The following ADCK5 variants were observed in gnomAD, a reference collection of about 807,000 sequenced individuals.
ADCK5 encodes aarF domain containing kinase 5, also known as uncharacterized aarF domain-containing protein kinase 5.
A neutral mutation model predicts 64.9 loss-of-function variants in ADCK5; 43 were observed. The ratio of observed to expected loss-of-function variants is 0.66; its 90% CI spans 0.52 to 0.85. The LOEUF (loss-of-function observed/expected upper bound fraction) is 0.85. Ranked by LOEUF, ADCK5 falls within the 40% of genes least tolerant of loss-of-function variation. The pLI is 0.00. For synonymous variants in ADCK5, 434 were observed against 342.8 expected (o/e 1.27, Z -2.94); for missense variants, 760 against 810.5 (o/e 0.94, Z 0.76).
In ADCK5 at chr8:144,392,426, T is replaced by G; in HGVS notation, c.1268-19T>G. 4.4e-6 allele frequency: 2 copies of G among 454,696 alleles called. No homozygotes were observed. The highest frequency in any genetic ancestry group is 3.3e-5 in the South Asian group (1 of 29,986). The allele number at this position is 454,696 out of a possible 1,614,324, so 28.2% of individuals were successfully genotyped here. A position where few individuals can be genotyped will look rare whatever the true frequency, so the allele number is the denominator to read the frequency against. On this transcript the variant is annotated intron_variant, in intron 12 of 14. Coordinates refer to ENST00000308860, the MANE Select transcript of ADCK5 (RefSeq NM_174922.5). ...ACCCACTCAGAGCCCCCTCCCTCCC[T>G]CCCTCCCTCCCTCCCCAGACTACCT...
intron 1 of ADCK5, among the ~76,000 whole-genome samples, chr8:144,374,752 G>A (rs1390124393): frequency 6.6e-6 from 1 of 152,040 alleles, no homozygotes; most frequent in Non-Finnish European, 1.5e-5. Context: ...TGCAGGCCGG[G>A]CTCTGCTCTG....
chr8:144,382,304 G>A (rs1336017190), intron 2 of ADCK5, among the ~76,000 whole-genome samples: 1 of 152,262 alleles, frequency 6.6e-6, no homozygotes, highest in Non-Finnish European at 1.5e-5. Flanking sequence ...AGAAACAGAT[G>A]TGTTCTCAGG....
chr8:144,382,360 A>G (rs1384717419), intron 2 of ADCK5, among the ~76,000 whole-genome samples: 1 of 152,220 alleles, frequency 6.6e-6, no homozygotes, highest in Non-Finnish European at 1.5e-5. Context: ...GTTTCAGCAT[A>G]TATGGAGCTG....
chr8:144,381,719 G>A (rs1463042242), intron 2 of ADCK5, among the ~76,000 whole-genome samples: 2 of 150,512 alleles, frequency 1.3e-5, no homozygotes, highest in Non-Finnish European at 3.0e-5. Context: ...TGTGTGCTCA[G>A]GCACCTGCTG....
intron 1 of ADCK5, 48 bp downstream of exon 1, chr8:144,374,155 C>T: frequency 1.6e-6 from 2 of 1,247,616 alleles, no homozygotes; most frequent in Non-Finnish European, 2.0e-6. Context: ...CACACCAGCC[C>T]CAGAGACCCG....
chr8:144,390,850 G>A lies in ADCK5; in HGVS notation c.343-6G>A, dbSNP rs782030500. Reference sequence around the variant, plus strand: ...CCCCATGTGTTCTCCCCATGCCTGTGGTCAGAACAGCCCAGGCTACTTGGA... The same window carrying A: ...CCCCATGTGTTCTCCCCATGCCTGTAGTCAGAACAGCCCAGGCTACTTGGA... On this transcript the variant is annotated splice_polypyrimidine_tract_variant and splice_region_variant and intron_variant, in intron 4 of 14. Transcript: ENST00000308860. 6.2e-7 allele frequency: 1 copy of A among 1,612,540 alleles called. No homozygotes were observed. Among genetic ancestry groups the A allele is most frequent in the Non-Finnish European group, 8.5e-7 (1 of 1,179,488 alleles).
chr8:144,375,150 C>G (rs1367310096), intron 1 of ADCK5, among the ~76,000 whole-genome samples: 1 of 152,212 alleles, frequency 6.6e-6, no homozygotes, highest in Non-Finnish European at 1.5e-5. Context: ...ACAAAGTCTT[C>G]CCACGTGCAG....
At chr8:144,388,134 C>T (rs1205139328) in intron 3 of ADCK5, among the ~76,000 whole-genome samples, 1 of 151,818 alleles carries the variant, frequency 6.6e-6, no homozygotes, top group South Asian at 2.1e-4. Flanking sequence ...CCGAGGAGGG[C>T]GGATCACGAG....
Position 144,392,036 on chromosome 8 carries a change from CCAGGGGT to C in ADCK5, c.1096+15_1096+21del. On this transcript the variant is annotated intron_variant, in intron 10 of 14. Transcript: ENST00000308860. ...ATCCTGGCAACGGTAGGAATTTACC[CCAGGGGT>C]GGGGGTCTCAGGGTGGGCGCAGCGC... is the stretch of plus-strand genomic sequence containing the variant. 1 of 1,612,608 alleles carries C rather than the reference CCAGGGGT, an allele frequency of 6.2e-7. No homozygotes were observed. Among genetic ancestry groups the C allele is most frequent in the South Asian group, 1.1e-5 (1 of 91,078 alleles).
chr8:144,380,992 G>A (rs1554858081), intron 2 of ADCK5, among the ~76,000 whole-genome samples: 1 of 151,270 alleles, frequency 6.6e-6, no homozygotes, highest in Admixed American at 6.6e-5. Context: ...ATTATGGGCT[G>A]GGTGTAGAAA....
Position 144,391,119 on chromosome 8 carries a change from C to T in ADCK5, c.544-15C>T. 1 of 1,610,396 alleles carries T rather than the reference C, an allele frequency of 6.2e-7. No homozygotes were observed. The highest frequency in any genetic ancestry group is 8.5e-7 in the Non-Finnish European group (1 of 1,179,972). On this transcript the variant is annotated splice_polypyrimidine_tract_variant and intron_variant, in intron 5 of 14. Coordinates refer to ENST00000308860, the MANE Select transcript of ADCK5 (RefSeq NM_174922.5). ...AGCAGTGGCCCCAGGCTGCTCTGAGCACCTGTCCTTCCAGGTGGATGAGTT... is the reference window on the plus strand; with the variant it reads ...AGCAGTGGCCCCAGGCTGCTCTGAGTACCTGTCCTTCCAGGTGGATGAGTT...
At chr8:144,374,642 G>A (rs1454322052) in intron 1 of ADCK5, among the ~76,000 whole-genome samples, 3 of 152,130 alleles carry the variant, frequency 2.0e-5, no homozygotes, top group Non-Finnish European at 2.9e-5. Flanking sequence ...CGGCCTCCCG[G>A]AATCACGGAC....
At position 144,390,844 on chromosome 8, in the gene ADCK5, G is replaced by T. The variant is rs782186573; in HGVS notation, c.343-12G>T. 2 of 1,611,836 alleles carry T rather than the reference G, an allele frequency of 1.2e-6. No individual in the cohort carries two copies. The highest frequency in any genetic ancestry group is 2.2e-5 in the South Asian group (2 of 91,016). Reference sequence around the variant, plus strand: ...ACCTGTCCCCATGTGTTCTCCCCATGCCTGTGGTCAGAACAGCCCAGGCTA... The same window carrying T: ...ACCTGTCCCCATGTGTTCTCCCCATTCCTGTGGTCAGAACAGCCCAGGCTA... On this transcript the variant is annotated splice_polypyrimidine_tract_variant and intron_variant, in intron 4 of 14. Coordinates refer to ENST00000308860, the MANE Select transcript of ADCK5 (RefSeq NM_174922.5).
chr8:144,385,436 G>A (rs1180150794), intron 3 of ADCK5, among the ~76,000 whole-genome samples: 1 of 151,078 alleles, frequency 6.6e-6, no homozygotes, highest in African/African-American at 2.4e-5. Flanking sequence ...TGCTCAGCTC[G>A]GCCTCTCAAA....
chr8:144,386,326 T>C (rs1819923701), intron 3 of ADCK5, among the ~76,000 whole-genome samples: 1 of 151,648 alleles, frequency 6.6e-6, no homozygotes, highest in African/African-American at 2.4e-5. Context: ...TTTAACTTTT[T>C]TTTTAAAATT....
At position 144,383,071 on chromosome 8, in the gene ADCK5, C is replaced by G. The variant is rs1164774701; in HGVS notation, c.117-10C>G. The G allele has an allele frequency of 1.3e-6, 2 of 1,585,142 alleles. No individual in the cohort carries two copies. The highest frequency in any genetic ancestry group is 2.3e-5 in the East Asian group (1 of 43,486). On this transcript the variant is annotated splice_polypyrimidine_tract_variant and intron_variant, in intron 2 of 14. Transcript: ENST00000308860. ...GGGCGGCGCCTCCAGGCTGCATTGT[C>G]TCTCCTCAGGTTCTCCAGCCCCACA...
chr8:144,374,738 G>A (rs782337343), intron 1 of ADCK5, among the ~76,000 whole-genome samples: 1 of 152,164 alleles, frequency 6.6e-6, no homozygotes, highest in Non-Finnish European at 1.5e-5. Flanking sequence ...GGGCGGGCGG[G>A]GGCTGCAGGC....
chr8:144,390,772 A>C, intron 4 of ADCK5, 26 bp downstream of exon 4: 1 of 1,611,310 alleles, frequency 6.2e-7, no homozygotes, highest in Non-Finnish European at 8.5e-7. Flanking sequence ...CTGGGCACAC[A>C]GTGGTGGGCA....
At position 144,392,895 on chromosome 8, in the gene ADCK5, G is replaced by A; in HGVS notation, c.1637+3G>A. 1 of 1,600,738 alleles carries A rather than the reference G, an allele frequency of 6.2e-7. No individual in the cohort carries two copies. The highest frequency in any genetic ancestry group is 1.1e-5 in the South Asian group (1 of 89,802). On this transcript the variant is annotated splice_donor_region_variant and intron_variant, in intron 14 of 14. Transcript: ENST00000308860. Reference sequence around the variant, plus strand: ...CTCAAGTTTGAAGTGGCGCTCAGGTGAGTGGCCGCGGGGCAGGTGGGTGGC... The same window carrying A: ...CTCAAGTTTGAAGTGGCGCTCAGGTAAGTGGCCGCGGGGCAGGTGGGTGGC...
Sources: allele counts gnomAD v4.1 joint callset (sites outside exome capture counted in the v4.1 genomes callset), GRCh38; gene constraint gnomAD v4.1.1; transcripts MANE v1.5; gene names NCBI Gene and HGNC (gene_info 2026-07-23, HGNC 2026-07-21).